Variants in RALYL observed in about 807,000 individuals in gnomAD.
RALYL encodes RNA-binding Raly-like protein.
A neutral mutation model predicts 35.1 loss-of-function variants in RALYL; 29 were observed. That is an observed-to-expected ratio of 0.83 (90% CI 0.61 to 1.13). RALYL has a LOEUF of 1.13. RALYL is among the 50% of genes most tolerant of loss of function. The pLI is 0.00. For missense variants in RALYL, 359 were observed against 360.4 expected (o/e 1.00, Z 0.03); for synonymous variants, 120 against 127.6 (o/e 0.94, Z 0.40).
At chr8:84,827,234 G>A (rs1277405710) in intron 4 of RALYL, among the ~76,000 whole-genome samples, 1 of 152,032 alleles carries the variant, frequency 6.6e-6, no homozygotes, top group Non-Finnish European at 1.5e-5. Context: ...TTCACAAAGA[G>A]AAAACTTAGA....
At chr8:84,710,593 C>T (rs2132463115) in intron 2 of RALYL, among the ~76,000 whole-genome samples, 1 of 149,540 alleles carries the variant, frequency 6.7e-6, no homozygotes, top group Admixed American at 6.6e-5. Flanking sequence ...TGAGCCACTG[C>T]ACTCGGCCTC....
At chr8:84,766,720 CAAAAAAAA>C (rs751821694) in intron 2 of RALYL, among the ~76,000 whole-genome samples, 5 of 18,024 alleles carry the variant, frequency 2.8e-4, no homozygotes, top group Admixed American at 2.2e-3. Context: ...GAGACTGTCT[CAAAAAAAA>C]AAAAAAAAAA....
intron 2 of RALYL, among the ~76,000 whole-genome samples, chr8:84,539,833 CATATAT>C (rs768941805): frequency 2.1e-3 from 48 of 23,194 alleles, no homozygotes; most frequent in African/African-American, 3.8e-3. Flanking sequence ...ATCAAGTATA[CATATAT>C]ATATATATAT....
At chr8:84,457,734 C>A (rs2050304135) in intron 1 of RALYL, among the ~76,000 whole-genome samples, 1 of 151,798 alleles carries the variant, frequency 6.6e-6, no homozygotes, top group Non-Finnish European at 1.5e-5. Flanking sequence ...CGTCTTTCTC[C>A]TTTCTACTCA....
intron 8 of RALYL, among the ~76,000 whole-genome samples, chr8:84,901,227 GA>G (rs1413691982): frequency 1.3e-5 from 2 of 152,122 alleles, no homozygotes; most frequent in African/African-American, 4.8e-5. Context: ...AATGCTCTAA[GA>G]AAAGGGAGGT....
At chr8:84,709,743 A>G (rs1841847549) in intron 2 of RALYL, among the ~76,000 whole-genome samples, 1 of 151,968 alleles carries the variant, frequency 6.6e-6, no homozygotes, top group African/African-American at 2.4e-5. Flanking sequence ...TCCTGGTACC[A>G]CCTATATTCT....
At chr8:84,699,529 C>T (rs1299667253) in intron 2 of RALYL, among the ~76,000 whole-genome samples, 5 of 152,012 alleles carry the variant, frequency 3.3e-5, no homozygotes, top group African/African-American at 1.2e-4. Flanking sequence ...TCTTTGTGTC[C>T]TCAGGTGGAA....
chr8:84,320,690 C>A (rs547767531), intron 1 of RALYL, among the ~76,000 whole-genome samples: 1 of 151,986 alleles, frequency 6.6e-6, no homozygotes, highest in Non-Finnish European at 1.5e-5. Context: ...CAATAAATGA[C>A]CTTCTTCCTA....
At chr8:84,713,672 G>A (rs1401219967) in intron 2 of RALYL, among the ~76,000 whole-genome samples, 1 of 151,792 alleles carries the variant, frequency 6.6e-6, no homozygotes, top group Non-Finnish European at 1.5e-5. Context: ...AAAACAGTGT[G>A]AAGTTTCCTC....
chr8:84,367,301 G>A (rs1404336980), intron 1 of RALYL, among the ~76,000 whole-genome samples: 1 of 118,470 alleles, frequency 8.4e-6, no homozygotes, highest in Non-Finnish European at 1.7e-5. Context: ...CTGCCATCCT[G>A]CCCAACTAAT....
chr8:84,877,843 A>G (rs956962494), intron 7 of RALYL, among the ~76,000 whole-genome samples: 20 of 152,156 alleles, frequency 1.3e-4, no homozygotes, highest in Non-Finnish European at 2.5e-4. Flanking sequence ...TAACATGACT[A>G]CCATTTCTGT....
chr8:84,555,644 T>C (rs567378750), intron 2 of RALYL, among the ~76,000 whole-genome samples: 3 of 152,336 alleles, frequency 2.0e-5, no homozygotes, highest in East Asian at 3.9e-4. Context: ...TTTAATTTAA[T>C]AATACGTTCT....
intron 1 of RALYL, among the ~76,000 whole-genome samples, chr8:84,223,501 G>A (rs982657329): frequency 1.3e-5 from 2 of 152,168 alleles, no homozygotes; most frequent in East Asian, 1.9e-4. Flanking sequence ...AAAGGGAGAT[G>A]GAGGTGAGCA....
intron 1 of RALYL, among the ~76,000 whole-genome samples, chr8:84,409,589 T>C (rs565017738): frequency 6.6e-6 from 1 of 152,042 alleles, no homozygotes; most frequent in Non-Finnish European, 1.5e-5. Flanking sequence ...AAAGAAATAA[T>C]AATTTCTGTA....
At chr8:84,843,519 T>C (rs1833903923) in intron 4 of RALYL, among the ~76,000 whole-genome samples, 1 of 152,086 alleles carries the variant, frequency 6.6e-6, no homozygotes, top group African/African-American at 2.4e-5. Context: ...GAAGAATCAA[T>C]ATCGTGAAAA....
chr8:84,501,070 C>A (rs1240878055), intron 1 of RALYL, among the ~76,000 whole-genome samples: 2 of 152,002 alleles, frequency 1.3e-5, no homozygotes, highest in South Asian at 4.2e-4. Flanking sequence ...ATCTATGGCG[C>A]CATTTACATA....
chr8:84,887,018 A>C (rs1046491575), intron 7 of RALYL, among the ~76,000 whole-genome samples: 1 of 152,186 alleles, frequency 6.6e-6, no homozygotes, highest in Non-Finnish European at 1.5e-5. Flanking sequence ...TATGTTCTTA[A>C]CCATTGAAGT....
At chr8:84,488,709 G>C (rs2054917121) in intron 1 of RALYL, among the ~76,000 whole-genome samples, 2 of 152,010 alleles carry the variant, frequency 1.3e-5, no homozygotes, top group African/African-American at 4.8e-5. Context: ...TTGTGTAAGT[G>C]AGAGGGCCAC....
chr8:84,377,467 T>TGTTTGTTTGTTTGTTTG (rs1231251094), intron 1 of RALYL, among the ~76,000 whole-genome samples: 28 of 142,414 alleles, frequency 2.0e-4, no homozygotes, highest in African/African-American at 8.1e-4. Context: ...TTTTTTTTTT[T>TGTTTGTTTGTTTGTTTG]TTTTTTTTCT....
Sources: allele counts gnomAD v4.1 joint callset (sites outside exome capture counted in the v4.1 genomes callset), GRCh38; gene constraint gnomAD v4.1.1; transcripts MANE v1.5; gene names NCBI Gene and HGNC (gene_info 2026-07-23, HGNC 2026-07-21).